The following OR10J1 variants were observed in gnomAD, a reference collection of about 807,000 sequenced individuals.
OR10J1 encodes the protein olfactory receptor family 10 subfamily J member 1, also known as olfactory receptor 10J1.
For synonymous variants in OR10J1, 202 were observed against 143.8 expected, an observed-to-expected ratio of 1.40 and a Z score of -2.89; for missense variants, 474 against 376.6, an observed-to-expected ratio of 1.26 and a Z score of -2.14.
the OR10J1 span, among the ~76,000 whole-genome samples, chr1:159,407,473 G>A: frequency 6.6e-6 from 1 of 152,070 alleles, no homozygotes; most frequent in African/African-American, 2.4e-5. Context: ...GGCACCTAGT[G>A]AATGCTATAT....
upstream of OR10J1, among the ~76,000 whole-genome samples, chr1:159,436,471 G>A (rs985926103): frequency 3.9e-5 from 6 of 151,944 alleles, no homozygotes; most frequent in African/African-American, 1.2e-4. Flanking sequence ...CACCCCTCTA[G>A]ATCAGTCCCA....
At chr1:159,416,994 C>T in the OR10J1 span, among the ~76,000 whole-genome samples, 1 of 151,776 alleles carries the variant, frequency 6.6e-6, no homozygotes, top group African/African-American at 2.4e-5. Flanking sequence ...GTCCATCTAG[C>T]AGTTTATTGA....
chr1:159,432,325 C>T, the OR10J1 span: 6 of 401,228 alleles, frequency 1.5e-5, 1 homozygote, highest in East Asian at 2.1e-4. Flanking sequence ...TTGACCCTTG[C>T]CAGCAATGCT....
the OR10J1 span, among the ~76,000 whole-genome samples, chr1:159,430,674 C>CGCGT: frequency 4.2e-4 from 13 of 30,842 alleles, no homozygotes; most frequent in African/African-American, 7.6e-4. Flanking sequence ...TGTGTGCGCG[C>CGCGT]GCGCACATGT....
chr1:159,406,778 T>C, the OR10J1 span, among the ~76,000 whole-genome samples: 1 of 152,122 alleles, frequency 6.6e-6, no homozygotes, highest in African/African-American at 2.4e-5. Context: ...GCAGAGATAG[T>C]GAATGTTGAT....
the OR10J1 span, among the ~76,000 whole-genome samples, chr1:159,431,686 C>G: frequency 1.4e-4 from 22 of 152,150 alleles, no homozygotes; most frequent in Admixed American, 1.3e-3. Flanking sequence ...ATTTATACTT[C>G]AAGTACCTAT....
chr1:159,405,144 G>GA, the OR10J1 span, among the ~76,000 whole-genome samples: 3 of 151,860 alleles, frequency 2.0e-5, no homozygotes, highest in South Asian at 2.1e-4. Context: ...AAGACATGAG[G>GA]AAAAAAGGTG....
chr1:159,410,491 T>A, the OR10J1 span, among the ~76,000 whole-genome samples: 1 of 152,126 alleles, frequency 6.6e-6, no homozygotes, highest in South Asian at 2.1e-4. Flanking sequence ...TTCGTAGAGG[T>A]GTTTGTAGTA....
the OR10J1 span, among the ~76,000 whole-genome samples, chr1:159,399,302 T>C: frequency 2.6e-5 from 4 of 152,154 alleles, no homozygotes; most frequent in Non-Finnish European, 5.9e-5. Context: ...CCAGGCGCGA[T>C]GGCTCATGCC....
the OR10J1 span, among the ~76,000 whole-genome samples, chr1:159,399,212 A>G: frequency 6.6e-6 from 1 of 152,264 alleles, no homozygotes; most frequent in South Asian, 2.1e-4. Context: ...TGAAATATGA[A>G]GGTAAAATGA....
At chr1:159,400,513 G>A in the OR10J1 span, among the ~76,000 whole-genome samples, 2 of 150,842 alleles carry the variant, frequency 1.3e-5, no homozygotes, top group Admixed American at 1.3e-4. Context: ...GGTCACTTCA[G>A]CAAGGGGATA....
At chr1:159,426,587 AC>A in the OR10J1 span, among the ~76,000 whole-genome samples, 1 of 151,866 alleles carries the variant, frequency 6.6e-6, no homozygotes, top group South Asian at 2.1e-4. Context: ...ATAGCTGGAG[AC>A]AACATTTTTT....
chr1:159,409,502 G>A, the OR10J1 span, among the ~76,000 whole-genome samples: 1 of 152,008 alleles, frequency 6.6e-6, no homozygotes, highest in South Asian at 2.1e-4. Flanking sequence ...ATTTCTCACT[G>A]AGACTTACCT....
rs751443987 is a variant in OR10J1, at chr1:159,439,946, ATCT to A, written c.158_160del (p.Leu53del). On this transcript the variant is annotated inframe_deletion, in exon 1 of 1. Transcript: ENST00000423932. ...ATCATTGTGACCATCATCCGAATGG[ATCT>A]TCATCTTCACACACCCATGTACTTC... The A allele has an allele frequency of 6.2e-7, 1 of 1,613,994 alleles. No individual in the cohort carries two copies. Among genetic ancestry groups the A allele is most frequent in the South Asian group, 1.1e-5 (1 of 91,076 alleles).
the OR10J1 span, among the ~76,000 whole-genome samples, chr1:159,417,790 G>C: frequency 6.6e-6 from 1 of 152,182 alleles, no homozygotes; most frequent in Admixed American, 6.5e-5. Context: ...AAGAAGACAG[G>C]AAAATGTGGG....
the OR10J1 span, among the ~76,000 whole-genome samples, chr1:159,417,455 C>T: frequency 1.3e-5 from 2 of 152,094 alleles, no homozygotes; most frequent in Non-Finnish European, 2.9e-5. Context: ...CTTTCTCATA[C>T]TCTTCTCATA....
the OR10J1 span, chr1:159,406,511 T>C: frequency 9.1e-6 from 2 of 219,264 alleles, no homozygotes; most frequent in Admixed American, 9.8e-5. Context: ...GTTATCTTTG[T>C]TCCTCTACTG....
At chr1:159,428,287 GA>G in the OR10J1 span, among the ~76,000 whole-genome samples, 1 of 152,092 alleles carries the variant, frequency 6.6e-6, no homozygotes, top group Admixed American at 6.5e-5. Flanking sequence ...TCCTTTGTCA[GA>G]AAAAAACCTA....
the OR10J1 span, among the ~76,000 whole-genome samples, chr1:159,429,212 A>C: frequency 6.6e-6 from 1 of 152,198 alleles, no homozygotes; most frequent in Admixed American, 6.5e-5. Context: ...AAGCAGGCAA[A>C]ACTGGCTTAC....
Sources: allele counts gnomAD v4.1 joint callset (sites outside exome capture counted in the v4.1 genomes callset), GRCh38; gene constraint gnomAD v4.1.1; transcripts MANE v1.5; gene names NCBI Gene and HGNC (gene_info 2026-07-23, HGNC 2026-07-21).